Variants in CMSS1 observed in about 807,000 individuals in gnomAD.
CMSS1 encodes the protein cms1 ribosomal small subunit homolog, also known as protein CMSS1.
In CMSS1, 33 loss-of-function variants were observed where a neutral mutation model predicts 43.5. That is an observed-to-expected ratio of 0.76 (90% confidence interval 0.57 to 1.01). The LOEUF (loss-of-function observed/expected upper bound fraction) is 1.01, where lower values mean the gene tolerates loss of function less well. Ranked by LOEUF, CMSS1 falls within the 50% of genes least tolerant of loss-of-function variation. The pLI is 0.00. For missense variants in CMSS1, 313 were observed against 326.4 expected (o/e 0.96, Z 0.32); for synonymous variants, 115 against 117.2 (o/e 0.98, Z 0.12).
At chr3:100,050,577 G>A (rs2065354503) in intron 1 of CMSS1, among the ~76,000 whole-genome samples, 1 of 152,054 alleles carries the variant, frequency 6.6e-6, no homozygotes, top group Non-Finnish European at 1.5e-5. Flanking sequence ...TATTGCCCAG[G>A]CTGGAGTGCA....
At chr3:99,929,035 G>C (rs1188877858) in intron 1 of CMSS1, among the ~76,000 whole-genome samples, 2 of 152,224 alleles carry the variant, frequency 1.3e-5, no homozygotes, top group African/African-American at 4.8e-5. Context: ...GAGTTTATTT[G>C]AGGGAAATTT....
chr3:99,886,414 A>G (rs1247413376), intron 1 of CMSS1, among the ~76,000 whole-genome samples: 1 of 142,170 alleles, frequency 7.0e-6, no homozygotes, highest in African/African-American at 2.8e-5. Flanking sequence ...ACCTGATGAG[A>G]AAAAAAAAAA....
At chr3:99,941,346 A>G (rs908744868) in intron 1 of CMSS1, among the ~76,000 whole-genome samples, 2 of 152,260 alleles carry the variant, frequency 1.3e-5, no homozygotes, top group Non-Finnish European at 2.9e-5. Context: ...ATAATGTTCA[A>G]TGCACAAAGT....
intron 1 of CMSS1, among the ~76,000 whole-genome samples, chr3:99,993,972 T>G (rs1004212905): frequency 2.0e-5 from 3 of 152,232 alleles, no homozygotes; most frequent in Non-Finnish European, 4.4e-5. Context: ...ATCAGGGTGA[T>G]ACTGGCCTCA....
intron 1 of CMSS1, among the ~76,000 whole-genome samples, chr3:99,996,741 C>A (rs1173248139): frequency 6.6e-6 from 1 of 151,966 alleles, no homozygotes; most frequent in Non-Finnish European, 1.5e-5. Context: ...ATAAAACCAT[C>A]AGATCTCGTG....
Position 99,817,989 on chromosome 3 carries a change from G to T in CMSS1, c.10G>T (p.Asp4Tyr). The T allele has an allele frequency of 1.2e-6, 2 of 1,614,068 alleles. No individual in the cohort carries two copies. Among genetic ancestry groups the T allele is most frequent in the Non-Finnish European group, 1.7e-6 (2 of 1,180,012 alleles). Residue 4 changes from aspartate (D) to tyrosine (Y), a missense_variant, in exon 1 of 10, where the codon GAT becomes TAT. By Grantham distance (160) the Asp-to-Tyr change is radical. Transcript: ENST00000421999. Reference sequence around the variant, plus strand: ...CGAGACCTGAGCTGAAATGGCAGACGATCTCGGAGACGAGTGGTGGGAGAA... The same window carrying T: ...CGAGACCTGAGCTGAAATGGCAGACTATCTCGGAGACGAGTGGTGGGAGAA... MAD[D>Y]LGDEWWENQP...
chr3:99,832,762 C>G (rs1942727216), intron 1 of CMSS1, among the ~76,000 whole-genome samples: 1 of 147,504 alleles, frequency 6.8e-6, no homozygotes, highest in African/African-American at 2.5e-5. Flanking sequence ...ATCGCTTGAA[C>G]CCACGAGGCG....
intron 1 of CMSS1, among the ~76,000 whole-genome samples, chr3:100,054,212 T>G (rs762488146): frequency 6.6e-6 from 1 of 152,228 alleles, no homozygotes; most frequent in Non-Finnish European, 1.5e-5. Context: ...GGTCACAAAC[T>G]AACCGAGACA....
At chr3:100,002,570 A>G (rs1173092648) in intron 1 of CMSS1, among the ~76,000 whole-genome samples, 1 of 152,238 alleles carries the variant, frequency 6.6e-6, no homozygotes, top group Non-Finnish European at 1.5e-5. Flanking sequence ...ATAGCTGATA[A>G]AAAGTAAAGC....
chr3:99,818,084 G>A, intron 1 of CMSS1, 41 bp downstream of exon 1: 1 of 1,590,444 alleles, frequency 6.3e-7, no homozygotes, highest in Non-Finnish European at 8.6e-7. Context: ...GCCTCTCCCG[G>A]AGCCCTTCCG....
At chr3:99,889,469 G>A (rs1237044958) in intron 1 of CMSS1, among the ~76,000 whole-genome samples, 2 of 151,728 alleles carry the variant, frequency 1.3e-5, no homozygotes, top group African/African-American at 2.4e-5. Context: ...TTATGTTCTG[G>A]TGAGTCTCAT....
intron 1 of CMSS1, among the ~76,000 whole-genome samples, chr3:99,999,980 T>C (rs887356413): frequency 1.3e-5 from 2 of 152,172 alleles, no homozygotes; most frequent in African/African-American, 4.8e-5. Context: ...TTCTCAGCCC[T>C]GGCTTAAAAA....
intron 1 of CMSS1, among the ~76,000 whole-genome samples, chr3:100,135,733 A>C (rs2066748159): frequency 6.6e-6 from 1 of 151,336 alleles, no homozygotes; most frequent in Non-Finnish European, 1.5e-5. Flanking sequence ...AAGTTTGCTG[A>C]CTTGCAGCTA....
chr3:99,972,167 T>C (rs536783106), intron 1 of CMSS1, among the ~76,000 whole-genome samples: 66 of 152,090 alleles, frequency 4.3e-4, no homozygotes, highest in African/African-American at 1.5e-3. Flanking sequence ...TGGGGAAAGA[T>C]GTCATTCAAA....
chr3:100,022,121 T>C (rs777715209), intron 1 of CMSS1, among the ~76,000 whole-genome samples: 4 of 152,118 alleles, frequency 2.6e-5, no homozygotes, highest in African/African-American at 7.2e-5. Context: ...TAAATAAAAA[T>C]AGAGGGAAGC....
At chr3:100,042,207 T>A (rs1303099215) in intron 1 of CMSS1, among the ~76,000 whole-genome samples, 1 of 152,338 alleles carries the variant, frequency 6.6e-6, no homozygotes, top group Non-Finnish European at 1.5e-5. Context: ...GCCACTGAAA[T>A]TTTTTAAAGC....
At chr3:99,942,999 G>A (rs1707897083) in intron 1 of CMSS1, among the ~76,000 whole-genome samples, 1 of 152,116 alleles carries the variant, frequency 6.6e-6, no homozygotes, top group African/African-American at 2.4e-5. Flanking sequence ...TTATTTCAAG[G>A]GGCAAAGAGC....
At chr3:100,020,836 C>G (rs1179396020) in intron 1 of CMSS1, among the ~76,000 whole-genome samples, 2 of 127,086 alleles carry the variant, frequency 1.6e-5, no homozygotes, top group Non-Finnish European at 3.1e-5. Flanking sequence ...GGCACGATCT[C>G]AGCTCACTGC....
At chr3:100,147,195 T>A in intron 2 of CMSS1, 134 bp downstream of exon 2, 1 of 917,704 alleles carries the variant, frequency 1.1e-6, no homozygotes. Context: ...TCTTTCCCTT[T>A]GAAAAGGCCA....
Sources: gnomAD v4.1 joint callset for allele counts (sites outside exome capture counted in the v4.1 genomes callset) on GRCh38, gnomAD v4.1.1 for gene constraint, MANE v1.5 for transcripts, NCBI Gene and HGNC (gene_info 2026-07-23, HGNC 2026-07-21) for gene names.